The following GPC6 variants were observed in gnomAD, a reference collection of about 807,000 sequenced individuals.
GPC6 encodes glypican-6.
Under a neutral mutation model 55.2 loss-of-function variants are expected in GPC6, and 14 were observed. The observed-to-expected ratio is 0.25, with a 90% CI of 0.17 to 0.40. The LOEUF (loss-of-function observed/expected upper bound fraction) is 0.40, where lower values mean the gene tolerates loss of function less well. Among genes scored for constraint, GPC6 ranks in the 10% least tolerant of loss-of-function variants. The probability of loss-of-function intolerance (pLI) is 1.00; values close to 1 mark genes in which losing one functional copy is unlikely to be tolerated. For synonymous variants in GPC6, 278 were observed against 259.6 expected (o/e 1.07, Z -0.68); for missense variants, 641 against 708.5 (o/e 0.90, Z 1.08).
intron 1 of GPC6, among the ~76,000 whole-genome samples, chr13:93,504,283 A>G (rs1880625521): frequency 6.6e-6 from 1 of 152,154 alleles, no homozygotes; most frequent in Non-Finnish European, 1.5e-5. Context: ...TATTAGAATT[A>G]GCAAATAAGA....
chr13:93,491,019 C>A (rs78107075), intron 1 of GPC6, among the ~76,000 whole-genome samples: 5,257 of 51,932 alleles, frequency 0.1, 138 homozygotes, highest in Middle Eastern at 0.18. Context: ...ATTTATAGTC[C>A]TTTGAGTATA....
chr13:93,402,072 A>AG (rs1876111125), intron 1 of GPC6, among the ~76,000 whole-genome samples: 2 of 152,324 alleles, frequency 1.3e-5, no homozygotes, highest in African/African-American at 4.8e-5. Flanking sequence ...TCATAGGACA[A>AG]GTAAAAGGAA....
chr13:93,661,303 T>A (rs1448116778), intron 2 of GPC6, among the ~76,000 whole-genome samples: 1 of 152,086 alleles, frequency 6.6e-6, no homozygotes, highest in Non-Finnish European at 1.5e-5. Context: ...AACCTCCGCC[T>A]CCTGGTTTCA....
At position 94,382,496 on chromosome 13, in the gene GPC6, T is replaced by C; in HGVS notation, c.1235T>C (p.Val412Ala). ...TACACTATCTGCAAGGACGAGAGCG[T>C]GACAGCGGGCACGTCCAACGAGGAG... is the stretch of plus-strand genomic sequence containing the variant. ...LPYTICKDES[V>A]TAGTSNEEEC... Residue 412 changes from valine (V) to alanine (A), a missense_variant, in exon 7 of 9, where the codon GTG becomes GCG. Physicochemically the swap from Val to Ala is moderately conservative, Grantham distance 64. Transcript: ENST00000377047. 1 of 1,614,118 alleles carries C rather than the reference T, an allele frequency of 6.2e-7. No individual in the cohort carries two copies.
intron 1 of GPC6, among the ~76,000 whole-genome samples, chr13:93,437,383 C>T (rs1487117135): frequency 2.0e-5 from 3 of 152,178 alleles, no homozygotes; most frequent in Non-Finnish European, 4.4e-5. Flanking sequence ...AAGGCTAGAC[C>T]TCTTGCGCCA....
intron 2 of GPC6, among the ~76,000 whole-genome samples, chr13:93,605,868 GAA>G (rs1878219127): frequency 7.0e-6 from 1 of 143,504 alleles, no homozygotes; most frequent in East Asian, 2.1e-4. Context: ...AAAAAAAAGT[GAA>G]AAAGTTACAT....
At chr13:94,344,568 A>C (rs1283491760) in intron 6 of GPC6, among the ~76,000 whole-genome samples, 1 of 152,224 alleles carries the variant, frequency 6.6e-6, no homozygotes, top group Non-Finnish European at 1.5e-5. Context: ...ATGACTGATA[A>C]TTTTACTCTT....
In GPC6 at chr13:93,641,175, G is replaced by GA. The variant is rs202194892; in HGVS notation, c.319+95763dup. On this transcript the variant is annotated intron_variant, in intron 2 of 8. Transcript: ENST00000377047. ...ATTCAAATAGTACATGCTTTTTTCA[G>GA]AAAAAAAAATAGTATCCCCTTGCTC... Among the ~76,000 whole-genome samples, 524 of 149,820 alleles carry GA rather than the reference G, an allele frequency of 3.5e-3. 4 individuals are homozygous for GA. The highest frequency in any genetic ancestry group is 0.011 in the African/African-American group (447 of 40,850).
chr13:93,725,044 A>C (rs1594403421), intron 2 of GPC6, among the ~76,000 whole-genome samples: 1 of 152,050 alleles, frequency 6.6e-6, no homozygotes, highest in Non-Finnish European at 1.5e-5. Context: ...GATGTAACCT[A>C]TACAGTTCAA....
intron 2 of GPC6, among the ~76,000 whole-genome samples, chr13:93,601,820 A>G (rs966717255): frequency 1.3e-5 from 2 of 152,252 alleles, no homozygotes; most frequent in Admixed American, 1.3e-4. Context: ...TAAATGTGCT[A>G]TCAAAGAGCA....
intron 2 of GPC6, among the ~76,000 whole-genome samples, chr13:93,775,977 A>G (rs569501421): frequency 6.6e-6 from 1 of 152,028 alleles, no homozygotes; most frequent in South Asian, 2.1e-4. Context: ...AGCCAGCAAC[A>G]ATAAACCCCC....
chr13:93,894,675 C>A (rs1237299370), intron 3 of GPC6, among the ~76,000 whole-genome samples: 7 of 152,072 alleles, frequency 4.6e-5, no homozygotes, highest in African/African-American at 1.7e-4. Context: ...TGTGGTTTCC[C>A]CCAGCCTGAG....
At chr13:94,225,400 T>G (rs1326569622) in intron 4 of GPC6, among the ~76,000 whole-genome samples, 1 of 152,120 alleles carries the variant, frequency 6.6e-6, no homozygotes, top group Non-Finnish European at 1.5e-5. Flanking sequence ...CTTTCTTCAA[T>G]GTTGGCAGAA....
chr13:93,562,806 G>A (rs1379792565), intron 2 of GPC6, among the ~76,000 whole-genome samples: 1 of 152,038 alleles, frequency 6.6e-6, no homozygotes, highest in African/African-American at 2.4e-5. Context: ...ATCCCCTTCA[G>A]CCATCACAAA....
chr13:93,559,452 T>TA (rs1875648625), intron 2 of GPC6, among the ~76,000 whole-genome samples: 1 of 152,196 alleles, frequency 6.6e-6, no homozygotes, highest in Non-Finnish European at 1.5e-5. Context: ...TGATTGATGA[T>TA]AATTGCCCAG....
At chr13:94,150,373 C>T (rs1477933416) in intron 4 of GPC6, among the ~76,000 whole-genome samples, 2 of 152,082 alleles carry the variant, frequency 1.3e-5, no homozygotes, top group Non-Finnish European at 2.9e-5. Context: ...CATTTGCTGT[C>T]ACAAATCTGA....
chr13:93,563,244 T>A (rs979486837), intron 2 of GPC6, among the ~76,000 whole-genome samples: 1 of 152,160 alleles, frequency 6.6e-6, no homozygotes, highest in African/African-American at 2.4e-5. Context: ...CCTGTTCACA[T>A]CAAGATAGAC....
At chr13:93,561,426 T>TATATATATATATA (rs61094312) in intron 2 of GPC6, among the ~76,000 whole-genome samples, 28 of 143,474 alleles carry the variant, frequency 2.0e-4, no homozygotes, top group Non-Finnish European at 2.8e-4. Context: ...TATATATATA[T>TATATATATATATA]TTGTTGCAGT....
rs574949557 is a variant in GPC6, at chr13:94,180,927, A to T, written c.878-105422A>T. ...GAGAGACTGAAACAAGGAGGCTTTA[A>T]TGTATTACAGCAATGGTTCTCAATT... On this transcript the variant is annotated intron_variant, in intron 4 of 8. Transcript: ENST00000377047. Among the ~76,000 whole-genome samples, 3 of 152,226 alleles carry T rather than the reference A, an allele frequency of 2.0e-5. No homozygotes were observed. In the South Asian group the frequency reaches 6.2e-4, roughly 32 times the overall value.
Sources: allele counts gnomAD v4.1 joint callset (sites outside exome capture counted in the v4.1 genomes callset), GRCh38; gene constraint gnomAD v4.1.1; transcripts MANE v1.5; gene names NCBI Gene and HGNC (gene_info 2026-07-23, HGNC 2026-07-21).